Variants in GRM8 observed in about 807,000 individuals in gnomAD.
GRM8 encodes the protein metabotropic glutamate receptor 8.
A neutral mutation model predicts 87.2 loss-of-function variants in GRM8; 47 were observed. The observed-to-expected ratio is 0.54, with a 90% CI of 0.43 to 0.69. GRM8 has a LOEUF of 0.69. Ranked by LOEUF, GRM8 falls within the 30% of genes least tolerant of loss-of-function variation. GRM8 has a pLI of 0.00. For synonymous variants in GRM8, 396 were observed against 404.5 expected, an observed-to-expected ratio of 0.98 and a Z score of 0.25; for missense variants, 1,019 against 1,139.2, an observed-to-expected ratio of 0.89 and a Z score of 1.52.
chr7:127,198,837 A>ATT (rs35710456), intron 2 of GRM8, among the ~76,000 whole-genome samples: 20 of 125,802 alleles, frequency 1.6e-4, no homozygotes, highest in East Asian at 4.6e-4. Context: ...ACCGTGCCTA[A>ATT]TTTTTTTTTT....
intron 3 of GRM8, among the ~76,000 whole-genome samples, chr7:127,054,166 T>C (rs1055347173): frequency 2.0e-5 from 3 of 152,190 alleles, no homozygotes; most frequent in South Asian, 2.1e-4. Flanking sequence ...GCATTCAACA[T>C]TGACCTACAA....
intron 3 of GRM8, among the ~76,000 whole-genome samples, chr7:127,081,774 T>C (rs952624601): frequency 1.8e-4 from 27 of 152,128 alleles, no homozygotes; most frequent in African/African-American, 6.3e-4. Flanking sequence ...TTGTATGAGA[T>C]TGCCAAGAAC....
chr7:126,470,178 C>CT (rs1245779288), intron 9 of GRM8, among the ~76,000 whole-genome samples: 5 of 151,838 alleles, frequency 3.3e-5, no homozygotes, highest in Admixed American at 2.0e-4. Context: ...AGAAGAATTT[C>CT]TTTTTTTTAT....
In GRM8 at chr7:126,783,590, C is replaced by T. The variant is rs553867135; in HGVS notation, c.1157-13525G>A. Among the ~76,000 whole-genome samples, 74 of 152,226 alleles carry T rather than the reference C, an allele frequency of 4.9e-4. 1 individual carries two copies. In the South Asian group the frequency reaches 0.014, roughly 29 times the overall value. ...TAAAATCAATGTGGTTGGTCACAAA[C>T]AGTGTATTTCCAAAATAAAGAAAAC... On this transcript the variant is annotated intron_variant, in intron 6 of 10. Transcript: ENST00000339582.
intron 6 of GRM8, among the ~76,000 whole-genome samples, chr7:126,788,416 A>AC (rs1820883895): frequency 6.7e-6 from 1 of 149,114 alleles, no homozygotes; most frequent in African/African-American, 2.5e-5. Flanking sequence ...TCTCAAAAAA[A>AC]AAAAAAACCC....
chr7:126,789,692 T>C (rs886309822), intron 6 of GRM8, among the ~76,000 whole-genome samples: 2 of 152,172 alleles, frequency 1.3e-5, no homozygotes, highest in African/African-American at 4.8e-5. Context: ...CTCCAAAAAA[T>C]ATATGGATAT....
intron 3 of GRM8, among the ~76,000 whole-genome samples, chr7:127,044,403 T>C (rs1389014850): frequency 6.6e-6 from 1 of 152,186 alleles, no homozygotes; most frequent in African/African-American, 2.4e-5. Context: ...ATTAGAAAGA[T>C]GCATCTACTT....
chr7:127,130,730 C>G (rs957560152), intron 2 of GRM8, among the ~76,000 whole-genome samples: 2 of 152,032 alleles, frequency 1.3e-5, no homozygotes, highest in African/African-American at 4.8e-5. Flanking sequence ...GCATTATAAT[C>G]CCCAAGAGTG....
At chr7:126,581,308 CA>C (rs1795584648) in intron 8 of GRM8, among the ~76,000 whole-genome samples, 1 of 152,038 alleles carries the variant, frequency 6.6e-6, no homozygotes, top group African/African-American at 2.4e-5. Flanking sequence ...TTTCCAAGGC[CA>C]ATTACTTCTT....
intron 6 of GRM8, among the ~76,000 whole-genome samples, chr7:126,803,122 T>C (rs1822915024): frequency 6.6e-6 from 1 of 152,234 alleles, no homozygotes; most frequent in South Asian, 2.1e-4. Flanking sequence ...ATTCTCTTGG[T>C]GCCTGTGAGG....
chr7:126,564,896 T>A (rs147758053), intron 8 of GRM8, among the ~76,000 whole-genome samples: 7 of 152,294 alleles, frequency 4.6e-5, no homozygotes, highest in Non-Finnish European at 1.0e-4. Context: ...TTGGGATTTA[T>A]CCCTGAGTTG....
At chr7:126,647,340 TAGATATAGATATAGATAG>T (rs1803258260) in intron 7 of GRM8, among the ~76,000 whole-genome samples, 3 of 139,504 alleles carry the variant, frequency 2.2e-5, no homozygotes, top group Non-Finnish European at 4.5e-5. Context: ...GATAGATAGA[TAGATATAGATATAGATAG>T]ATATAAATAG....
chr7:126,572,232 T>C (rs1003092988), intron 8 of GRM8, among the ~76,000 whole-genome samples: 2 of 151,994 alleles, frequency 1.3e-5, no homozygotes, highest in African/African-American at 4.8e-5. Context: ...ATTGAGAACA[T>C]GTAGAATGCA....
intron 3 of GRM8, among the ~76,000 whole-genome samples, chr7:127,049,903 G>A (rs1819302725): frequency 6.6e-6 from 1 of 152,166 alleles, no homozygotes; most frequent in Admixed American, 6.5e-5. Context: ...AATGCCTTAG[G>A]AGAAAGAAGA....
At chr7:126,992,970 C>T (rs950445619) in intron 3 of GRM8, among the ~76,000 whole-genome samples, 8 of 151,940 alleles carry the variant, frequency 5.3e-5, no homozygotes, top group African/African-American at 9.7e-5. Context: ...TCCCAACATC[C>T]GTAACTATGA....
At chr7:126,727,349 T>C (rs1813109133) in intron 7 of GRM8, among the ~76,000 whole-genome samples, 1 of 152,040 alleles carries the variant, frequency 6.6e-6, no homozygotes, top group Admixed American at 6.6e-5. Flanking sequence ...GAAAAAATAT[T>C]TGATTCCAAC....
rs144230869 is a variant in GRM8 at position 126,962,555 on chromosome 7, T to G, written c.728-57872A>C. On this transcript the variant is annotated intron_variant, in intron 3 of 10. Coordinates refer to ENST00000339582, the MANE Select transcript of GRM8 (RefSeq NM_000845.3). ...TACTGTGAGTAGAACACACAGAAGTTTATGTTTAAATGAATACTGGCAATG... is the reference window on the plus strand; with the variant it reads ...TACTGTGAGTAGAACACACAGAAGTGTATGTTTAAATGAATACTGGCAATG... Among the ~76,000 whole-genome samples, 13 of 152,342 alleles carry G rather than the reference T, an allele frequency of 8.5e-5. No homozygotes were observed. The East Asian group carries it at 2.3e-3, about 27-fold the overall frequency.
At chr7:127,126,397 C>T (rs772282553) in intron 2 of GRM8, among the ~76,000 whole-genome samples, 7 of 151,816 alleles carry the variant, frequency 4.6e-5, no homozygotes, top group Admixed American at 2.0e-4. Flanking sequence ...AAGTATCCGA[C>T]GCTCCCACTT....
At chr7:127,143,669 G>C (rs1426450246) in intron 2 of GRM8, among the ~76,000 whole-genome samples, 1 of 152,072 alleles carries the variant, frequency 6.6e-6, no homozygotes, top group Non-Finnish European at 1.5e-5. Flanking sequence ...TTTAACAAAG[G>C]CCATGTAGCT....
Sources: gnomAD v4.1 joint callset for allele counts (sites outside exome capture counted in the v4.1 genomes callset) on GRCh38, gnomAD v4.1.1 for gene constraint, MANE v1.5 for transcripts, NCBI Gene and HGNC (gene_info 2026-07-23, HGNC 2026-07-21) for gene names.